The following STX17 variants were observed in gnomAD, a reference collection of about 807,000 sequenced individuals.
STX17 encodes syntaxin 17.
A neutral mutation model predicts 35.9 loss-of-function variants in STX17; 29 were observed. The observed-to-expected ratio is 0.81, with a 90% CI of 0.60 to 1.10. STX17 has a LOEUF of 1.10. Among genes scored for constraint, STX17 ranks in the 50% least tolerant of loss-of-function variants. The pLI is 0.00. For missense variants in STX17, 312 were observed against 352.3 expected (o/e 0.89, Z 0.92); for synonymous variants, 92 against 118.3 (o/e 0.78, Z 1.44).
chr9:99,947,946 GTTT>G (rs76739808), intron 3 of STX17, among the ~76,000 whole-genome samples: 3 of 142,160 alleles, frequency 2.1e-5, no homozygotes, highest in African/African-American at 5.1e-5. Context: ...TACTTTTCAA[GTTT>G]TTTTTTTTTT....
At position 99,951,426 on chromosome 9, in the gene STX17, C is replaced by T. The variant is rs1282416354; in HGVS notation, c.415+141C>T. Reference sequence around the variant, plus strand: ...ATATGCTGAATCCTTGGACCCTGATCAGTGTTCCTGGAAATGTGTACCCTG... The same window carrying T: ...ATATGCTGAATCCTTGGACCCTGATTAGTGTTCCTGGAAATGTGTACCCTG... On this transcript the variant is annotated intron_variant, in intron 4 of 7. Coordinates refer to ENST00000259400, the MANE Select transcript of STX17 (RefSeq NM_017919.3). The T allele has an allele frequency of 2.0e-5, 15 of 736,230 alleles. 1 individual carries two copies. The highest frequency in any genetic ancestry group is 2.5e-4 in the Middle Eastern group (1 of 4,028). 45.6% of individuals were successfully genotyped at this position (736,230 alleles called of 1,614,324 possible). A position where few individuals can be genotyped will look rare whatever the true frequency, so the allele number is the denominator to read the frequency against.
chr9:99,940,161 G>T (rs1325120186), intron 3 of STX17, among the ~76,000 whole-genome samples: 1 of 151,914 alleles, frequency 6.6e-6, no homozygotes, highest in African/African-American at 2.4e-5. Context: ...AGGCAGTCTC[G>T]CTCTTGTCGC....
At position 99,909,832 on chromosome 9, in the gene STX17, C is replaced by A. The variant is rs1828624127; in HGVS notation, c.-63+3126C>A. Among the ~76,000 whole-genome samples, 5 of 152,198 alleles carry A rather than the reference C, an allele frequency of 3.3e-5. No homozygotes were observed. In the South Asian group the frequency reaches 1.0e-3, roughly 32 times the overall value. On this transcript the variant is annotated intron_variant, in intron 1 of 7. Coordinates refer to ENST00000259400, the MANE Select transcript of STX17 (RefSeq NM_017919.3). The stretch of plus-strand genomic sequence containing the variant: ...CTTGAGGTGATGGATACCTCATTTA[C>A]CCTAATGTGATTATTACACATTGTA...
chr9:99,924,379 A>G (rs1431333360), intron 2 of STX17, among the ~76,000 whole-genome samples: 1 of 152,026 alleles, frequency 6.6e-6, no homozygotes, highest in Non-Finnish European at 1.5e-5. Context: ...GGAACTGTGG[A>G]CAAAGACCAA....
rs1830051574 is a variant in STX17, at chr9:99,973,444, A to C, written c.*4771A>C. Among the ~76,000 whole-genome samples, 1 of 152,182 alleles carries C rather than the reference A, an allele frequency of 6.6e-6. No homozygotes were observed. Among genetic ancestry groups the C allele is most frequent in the Non-Finnish European group, 1.5e-5 (1 of 68,038 alleles). On this transcript the variant is annotated 3_prime_UTR_variant, in exon 8 of 8. Transcript: ENST00000259400. ...CAACGGAAAGATAATTGGACGGGGA[A>C]TCCTGAGATCAGAGTCCTAGTTTGG... is the stretch of plus-strand genomic sequence containing the variant.
intron 3 of STX17, among the ~76,000 whole-genome samples, chr9:99,940,589 C>T (rs1275765813): frequency 6.6e-6 from 1 of 151,698 alleles, no homozygotes; most frequent in African/African-American, 2.4e-5. Context: ...AGCAATTCCC[C>T]TGCCTCAGCC....
intron 2 of STX17, among the ~76,000 whole-genome samples, chr9:99,920,981 A>C (rs931574761): frequency 5.9e-5 from 9 of 152,206 alleles, no homozygotes; most frequent in African/African-American, 2.2e-4. Flanking sequence ...GAAAATAATA[A>C]CAGTGGAGGT....
chr9:99,940,802 CTT>C (rs1012123743), intron 3 of STX17, among the ~76,000 whole-genome samples: 21 of 152,100 alleles, frequency 1.4e-4, no homozygotes, highest in Non-Finnish European at 1.5e-4. Context: ...TTTTTAGAAA[CTT>C]TATCTCTTTT....
chr9:99,936,961 T>C (rs1327697328), intron 3 of STX17, among the ~76,000 whole-genome samples: 2 of 152,208 alleles, frequency 1.3e-5, no homozygotes, highest in African/African-American at 4.8e-5. Context: ...AGTGTGATTC[T>C]GCTGTGACGA....
At chr9:99,912,709 G>A (rs1229157541) in intron 1 of STX17, among the ~76,000 whole-genome samples, 1 of 152,172 alleles carries the variant, frequency 6.6e-6, no homozygotes, top group African/African-American at 2.4e-5. Context: ...TTGTAAAATT[G>A]TGAAGCATCT....
In STX17 at chr9:99,972,595, C is replaced by G. The variant is rs942646402; in HGVS notation, c.*3922C>G. Among the ~76,000 whole-genome samples, 1 of 152,172 alleles carries G rather than the reference C, an allele frequency of 6.6e-6. No homozygotes were observed. The highest frequency in any genetic ancestry group is 2.4e-5 in the African/African-American group (1 of 41,450). ...TTCCTTCTGTGGGCTGCCTGCCTTC[C>G]TGCCCTCCCTTAAGTGCTCTAAGAT... On this transcript the variant is annotated 3_prime_UTR_variant, in exon 8 of 8. Transcript: ENST00000259400.
chr9:99,953,756 C>G (rs1050592314), intron 4 of STX17, among the ~76,000 whole-genome samples: 8 of 152,012 alleles, frequency 5.3e-5, no homozygotes, highest in Non-Finnish European at 1.0e-4. Context: ...TTGCCTATCT[C>G]TAGCAATTCC....
intron 4 of STX17, chr9:99,953,893 T>C (rs1440531474): frequency 2.6e-5 from 4 of 152,044 alleles, no homozygotes; most frequent in African/African-American, 9.7e-5. Context: ...CTGTTCGGGA[T>C]CAACAACTTT....
chr9:99,936,159 T>C (rs1241648331), intron 3 of STX17, among the ~76,000 whole-genome samples: 1 of 152,238 alleles, frequency 6.6e-6, no homozygotes, highest in Non-Finnish European at 1.5e-5. Flanking sequence ...CTATTACTAA[T>C]AAAGCTGCTA....
At chr9:99,910,287 C>T (rs1384970616) in intron 1 of STX17, among the ~76,000 whole-genome samples, 1 of 151,726 alleles carries the variant, frequency 6.6e-6, no homozygotes, top group East Asian at 1.9e-4. Flanking sequence ...TAAATCCACC[C>T]TGTTAGTAAT....
In STX17 at chr9:99,953,110, G is replaced by A. The variant is rs1194858533; in HGVS notation, c.415+1825G>A. On this transcript the variant is annotated intron_variant, in intron 4 of 7. Transcript: ENST00000259400. ...TTTTTTCTTTTTTTATTTACTCAGG[G>A]CACTCCTGCATCACTATCTCCAAAG... 8.6e-5 allele frequency among the ~76,000 whole-genome samples: 13 copies of A among 151,594 alleles called. No individual in the cohort carries two copies. In the East Asian group the frequency reaches 2.3e-3, roughly 27 times the overall value.
At chr9:99,936,520 A>G (rs1237283851) in intron 3 of STX17, among the ~76,000 whole-genome samples, 8 of 152,166 alleles carry the variant, frequency 5.3e-5, no homozygotes, top group African/African-American at 1.9e-4. Context: ...TTATAACTAA[A>G]TGTTATAACT....
At chr9:99,935,056 C>T (rs1026089460) in intron 3 of STX17, among the ~76,000 whole-genome samples, 14 of 151,816 alleles carry the variant, frequency 9.2e-5, no homozygotes, top group Admixed American at 9.2e-4. Flanking sequence ...GTAGGCTGGG[C>T]GCAGTGGCTC....
chr9:99,956,869 C>T (rs772032218), intron 4 of STX17, among the ~76,000 whole-genome samples: 1 of 152,128 alleles, frequency 6.6e-6, no homozygotes, highest in Non-Finnish European at 1.5e-5. Context: ...TTATAAAATA[C>T]TATTTCAGTT....
Sources: allele counts gnomAD v4.1 joint callset (sites outside exome capture counted in the v4.1 genomes callset), GRCh38; gene constraint gnomAD v4.1.1; transcripts MANE v1.5; gene names NCBI Gene and HGNC (gene_info 2026-07-23, HGNC 2026-07-21).